The following TPO variants were observed in gnomAD, a reference collection of about 807,000 sequenced individuals.
The protein encoded by TPO is thyroid microsomal antigen.
A neutral mutation model predicts 96.9 loss-of-function variants in TPO; 78 were observed. The ratio of observed to expected loss-of-function variants is 0.81; its 90% CI spans 0.67 to 0.97. The LOEUF is 0.97. Among genes scored for constraint, TPO ranks in the 50% least tolerant of loss-of-function variants. The probability of loss-of-function intolerance (pLI) is 0.00; values close to 1 mark genes in which losing one functional copy is unlikely to be tolerated. For synonymous variants in TPO, 547 were observed against 538.0 expected (o/e 1.02, Z -0.23); for missense variants, 1,252 against 1,274.8 (o/e 0.98, Z 0.27).
rs200234204 is a variant in TPO, at chr2:1,496,028, G to A, written c.2046G>A (p.Gln682=). The change falls in exon 12 of 17, where the codon CAG becomes CAA. Residue 682 remains glutamine (Q), a synonymous_variant. Transcript: ENST00000329066. ...WENSHVFTDA[Q]RRELEKHSLS... is the part of the protein sequence containing the mutation. ...ACAGCCACGTCTTCACGGATGCACA[G>A]AGGCGTGAGCTGGAGAAGCACTCCC... 3.7e-6 allele frequency: 6 copies of A among 1,613,652 alleles called. No homozygotes were observed. In the African/African-American group the frequency reaches 5.3e-5, roughly 14 times the overall value.
At chr2:1,403,001 C>T (rs761479244) in intron 1 of TPO, among the ~76,000 whole-genome samples, 3 of 152,192 alleles carry the variant, frequency 2.0e-5, no homozygotes, top group South Asian at 2.1e-4. Context: ...TTTAGTCACT[C>T]GCAATATGGG....
intron 3 of TPO, among the ~76,000 whole-genome samples, chr2:1,424,116 G>A (rs886536992): frequency 2.0e-5 from 3 of 152,166 alleles, no homozygotes; most frequent in African/African-American, 4.8e-5. Context: ...GCCCAAGATG[G>A]CTGGGGCACA....
chr2:1,444,635 T>C (rs568551489), intron 5 of TPO, among the ~76,000 whole-genome samples: 1 of 13,640 alleles, frequency 7.3e-5, no homozygotes, highest in Non-Finnish European at 1.6e-4. Context: ...TGGAAGGGAA[T>C]GGGGCAGGCT....
intron 3 of TPO, among the ~76,000 whole-genome samples, chr2:1,423,521 A>G (rs576205259): frequency 6.6e-6 from 1 of 152,324 alleles, no homozygotes; most frequent in South Asian, 2.1e-4. Flanking sequence ...CATAGAATAA[A>G]GAATTAAATG....
At chr2:1,520,838 T>C (rs1188715033) in intron 15 of TPO, among the ~76,000 whole-genome samples, 2 of 152,198 alleles carry the variant, frequency 1.3e-5, no homozygotes, top group Non-Finnish European at 2.9e-5. Flanking sequence ...GTGTTTTCCT[T>C]TGTGTTATGA....
intron 15 of TPO, among the ~76,000 whole-genome samples, chr2:1,536,820 C>G (rs1489173029): frequency 7.0e-5 from 7 of 100,126 alleles, no homozygotes; most frequent in East Asian, 3.4e-4. Context: ...CCAAATCCCC[C>G]CCACTGTGTG....
chr2:1,499,733 C>T (rs560033252), intron 13 of TPO, among the ~76,000 whole-genome samples: 12 of 152,314 alleles, frequency 7.9e-5, no homozygotes, highest in East Asian at 3.9e-4. Flanking sequence ...AGACACCCAT[C>T]GGCCAACCCT....
At chr2:1,473,979 C>A (rs1008641726) in intron 7 of TPO, among the ~76,000 whole-genome samples, 5 of 152,084 alleles carry the variant, frequency 3.3e-5, no homozygotes, top group Admixed American at 1.3e-4. Context: ...ATCTTATTTT[C>A]TCTTACAGTA....
intron 15 of TPO, among the ~76,000 whole-genome samples, chr2:1,537,672 T>C (rs1290180243): frequency 1.0e-3 from 82 of 79,642 alleles, no homozygotes; most frequent in Non-Finnish European, 1.5e-3. Flanking sequence ...CCTCCGCAAA[T>C]CCCCCTACTC....
intron 7 of TPO, among the ~76,000 whole-genome samples, chr2:1,462,121 T>TG (rs1036205021): frequency 6.6e-6 from 1 of 152,160 alleles, no homozygotes; most frequent in Admixed American, 6.5e-5. Flanking sequence ...CTGTCTTTCG[T>TG]GGGGCAGGAC....
At chr2:1,525,513 A>G (rs1371417331) in intron 15 of TPO, among the ~76,000 whole-genome samples, 2 of 87,290 alleles carry the variant, frequency 2.3e-5, no homozygotes, top group African/African-American at 9.7e-5. Flanking sequence ...ACTGGGTACA[A>G]CCTCCTCAAA....
At chr2:1,444,462 T>C (rs1009448349) in intron 5 of TPO, among the ~76,000 whole-genome samples, 28 of 136,200 alleles carry the variant, frequency 2.1e-4, no homozygotes, top group African/African-American at 7.3e-4. Flanking sequence ...GTTTGTATGA[T>C]GCAGTCATTG....
intron 15 of TPO, among the ~76,000 whole-genome samples, chr2:1,517,244 C>T (rs530981115): frequency 5.3e-4 from 81 of 152,334 alleles, no homozygotes; most frequent in Non-Finnish European, 4.0e-4. Context: ...CAATATGGAA[C>T]ACTTTTCTAA....
Position 1,533,938 on chromosome 2 carries a change from T to C in TPO, c.2619-6656T>C, listed in dbSNP as rs1477808001. On this transcript the variant is annotated intron_variant, in intron 15 of 16. Transcript: ENST00000329066. ...TGCAACCTCCATAAATCCAACCAAA[T>C]GTATGCAACCTCCTCAAATCCCCAC... 1.8e-4 allele frequency among the ~76,000 whole-genome samples: 15 copies of C among 83,676 alleles called. 2 individuals carry two copies. In the East Asian group the frequency reaches 7.6e-3, roughly 42 times the overall value. The allele number at this position is 83,676 out of a possible 152,430, so 54.9% of individuals were successfully genotyped here.
At chr2:1,502,324 T>A (rs1035093069) in intron 13 of TPO, among the ~76,000 whole-genome samples, 5 of 152,178 alleles carry the variant, frequency 3.3e-5, no homozygotes, top group African/African-American at 1.2e-4. Flanking sequence ...TGCTGCTAGA[T>A]AGAGACAATT....
intron 14 of TPO, among the ~76,000 whole-genome samples, chr2:1,506,805 T>C (rs1488082938): frequency 6.6e-6 from 1 of 152,246 alleles, no homozygotes; most frequent in East Asian, 1.9e-4. Context: ...AATGAGTAGG[T>C]TGCAAAAATT....
At chr2:1,489,933 AGG>A (rs1671562770) in intron 10 of TPO, among the ~76,000 whole-genome samples, 8 of 140,598 alleles carry the variant, frequency 5.7e-5, no homozygotes, top group African/African-American at 2.3e-4. Context: ...AGCACACAGG[AGG>A]AGTCACGACA....
intron 15 of TPO, among the ~76,000 whole-genome samples, chr2:1,530,542 TC>T (rs1181621424): frequency 3.9e-4 from 6 of 15,248 alleles, no homozygotes; most frequent in Admixed American, 1.0e-3. Context: ...CCCCCCCAAA[TC>T]CCCCCCATTG....
intron 15 of TPO, among the ~76,000 whole-genome samples, chr2:1,523,183 A>G (rs1312061822): frequency 7.0e-5 from 8 of 114,410 alleles, no homozygotes; most frequent in African/African-American, 1.0e-4. Flanking sequence ...AACCTCCTCA[A>G]ATCCCCCCAA....
Sources: allele counts gnomAD v4.1 joint callset (sites outside exome capture counted in the v4.1 genomes callset), GRCh38; gene constraint gnomAD v4.1.1; transcripts MANE v1.5; gene names NCBI Gene and HGNC (gene_info 2026-07-23, HGNC 2026-07-21).